Variants in PKN2 observed in about 807,000 individuals in gnomAD.
The protein encoded by PKN2 is serine/threonine-protein kinase N2.
A neutral mutation model predicts 119.1 loss-of-function variants in PKN2; 38 were observed. The observed-to-expected ratio is 0.32, with a 90% CI of 0.25 to 0.42. PKN2 has a LOEUF of 0.42. Ranked by LOEUF, PKN2 falls within the 10% of genes least tolerant of loss-of-function variation. The pLI is 1.00. For synonymous variants in PKN2, 390 were observed against 384.9 expected (o/e 1.01, Z -0.15); for missense variants, 850 against 1,165.1 (o/e 0.73, Z 3.94).
At chr1:88,802,755 T>A (rs903510336) in intron 8 of PKN2, among the ~76,000 whole-genome samples, 1 of 152,188 alleles carries the variant, frequency 6.6e-6, no homozygotes, top group Non-Finnish European at 1.5e-5. Flanking sequence ...TTATTCACAA[T>A]AAGACAAAAT....
At chr1:88,716,339 G>T (rs1667451184) in intron 1 of PKN2, among the ~76,000 whole-genome samples, 2 of 152,084 alleles carry the variant, frequency 1.3e-5, no homozygotes, top group Admixed American at 6.6e-5. Flanking sequence ...TTCAAGTCCT[G>T]GATATCCTTG....
intron 6 of PKN2, among the ~76,000 whole-genome samples, chr1:88,781,495 T>TTA (rs1309335812): frequency 4.6e-5 from 7 of 152,140 alleles, no homozygotes; most frequent in Non-Finnish European, 8.8e-5. Flanking sequence ...CAATTCATAG[T>TTA]TATTACTTCT....
At chr1:88,821,469 G>T (rs1386275593) in intron 16 of PKN2, among the ~76,000 whole-genome samples, 1 of 152,034 alleles carries the variant, frequency 6.6e-6, no homozygotes, top group Non-Finnish European at 1.5e-5. Flanking sequence ...AAGGTCCTTC[G>T]CCCAGGATAT....
chr1:88,741,021 G>C lies in PKN2; in HGVS notation c.82G>C (p.Val28Leu). 3.8e-6 allele frequency: 6 copies of C among 1,589,590 alleles called. No individual in the cohort carries two copies. The highest frequency in any genetic ancestry group is 5.1e-6 in the Non-Finnish European group (6 of 1,172,440). ...CCGAAGTCTTCCGTTTTCTGAGAAT[G>C]TGAGTGCTGTTCAAAAATTAGACTT... Reference protein sequence around the residue: ...DSRSLPFSENVSAVQKLDFSD... With the variant: ...DSRSLPFSENLSAVQKLDFSD... The change falls in exon 2 of 22, where the codon GTG (valine) becomes CTG (leucine). Residue 28 changes from valine (V) to leucine (L), a missense_variant. Around this residue, in one of 9 missense-constraint regions of PKN2, gnomAD observed 73 missense variants for 61.2 expected, o/e 1.19. Transcript: ENST00000370521.
At chr1:88,778,732 G>A (rs202109364) in intron 6 of PKN2, among the ~76,000 whole-genome samples, 3 of 145,230 alleles carry the variant, frequency 2.1e-5, no homozygotes, top group Admixed American at 6.8e-5. Flanking sequence ...TTTTTTTTTC[G>A]AGACAGAGTC....
chr1:88,777,219 T>C (rs542932818), intron 6 of PKN2, among the ~76,000 whole-genome samples: 1 of 152,258 alleles, frequency 6.6e-6, no homozygotes, highest in South Asian at 2.1e-4. Flanking sequence ...ATTTTTGTTA[T>C]ACTTTTCAAT....
chr1:88,705,454 G>C (rs1177918126), intron 1 of PKN2, among the ~76,000 whole-genome samples: 2 of 151,980 alleles, frequency 1.3e-5, no homozygotes, highest in Non-Finnish European at 2.9e-5. Flanking sequence ...CAGCACTCTG[G>C]GAGGCCGAGG....
In PKN2 at chr1:88,771,656, G is replaced by A. The variant is rs778920619; in HGVS notation, c.769-7G>A. On this transcript the variant is annotated splice_polypyrimidine_tract_variant and splice_region_variant and intron_variant, in intron 5 of 21. Transcript: ENST00000370521. ...AAATGACAACAATTGTCTTTTCCCT[G>A]TGCAAGGCTCAAGCAAGATTTAATG... 11 of 1,611,470 alleles carry A rather than the reference G, an allele frequency of 6.8e-6. No homozygotes were observed. The highest frequency in any genetic ancestry group is 1.1e-5 in the South Asian group (1 of 90,990).
intron 2 of PKN2, among the ~76,000 whole-genome samples, chr1:88,753,505 C>A (rs969778400): frequency 6.6e-6 from 1 of 151,894 alleles, no homozygotes; most frequent in African/African-American, 2.4e-5. Context: ...AAGAAATACC[C>A]GAGACTGGGT....
chr1:88,804,475 G>A lies in PKN2; in HGVS notation c.1366G>A (p.Asp456Asn), dbSNP rs1403134535. ...ATTTCTGAGGTTAGAAGATTTTTTA[G>A]ACAACCAACGGCATGGCATGTGTCT... ...VKFLRLEDFL[D>N]NQRHGMCLYL... is the part of the protein sequence containing the mutation. The change falls in exon 9 of 22, where the codon GAC (aspartate) becomes AAC (asparagine). Residue 456 changes from aspartate to asparagine, a missense_variant. This residue lies in a region of PKN2 where 350 missense variants were observed against 511.1 expected (regional missense o/e 0.68). Coordinates refer to ENST00000370521, the MANE Select transcript of PKN2 (RefSeq NM_006256.4). 6.2e-7 allele frequency: 1 copy of A among 1,613,640 alleles called. No individual in the cohort carries two copies. Among genetic ancestry groups the A allele is most frequent in the Non-Finnish European group, 8.5e-7 (1 of 1,179,718 alleles).
intron 12 of PKN2, chr1:88,806,236 C>A: frequency 2.1e-6 from 1 of 474,948 alleles, no homozygotes; most frequent in Admixed American, 3.6e-5. Context: ...CTCACTGCAA[C>A]CTCCGCCTCC....
intron 13 of PKN2, 26 bp downstream of exon 13, chr1:88,807,469 G>T (rs11809597): frequency 0.027 from 43,565 of 1,605,142 alleles, 1,639 homozygotes; most frequent in African/African-American, 0.18. Context: ...CAAATTTTGC[G>T]ACTACATGTT....
At chr1:88,723,610 G>C (rs1390905121) in intron 1 of PKN2, among the ~76,000 whole-genome samples, 1 of 152,062 alleles carries the variant, frequency 6.6e-6, no homozygotes, top group Non-Finnish European at 1.5e-5. Flanking sequence ...TTTAGTAGAG[G>C]TGAGGTTTCA....
chr1:88,720,754 G>A (rs187960899), intron 1 of PKN2, among the ~76,000 whole-genome samples: 11 of 152,250 alleles, frequency 7.2e-5, no homozygotes, highest in Admixed American at 1.3e-4. Flanking sequence ...TGTACCCAGT[G>A]TATGTCTTCT....
chr1:88,795,102 C>A (rs1671008539), intron 8 of PKN2, among the ~76,000 whole-genome samples: 1 of 152,140 alleles, frequency 6.6e-6, no homozygotes, highest in South Asian at 2.1e-4. Context: ...AGTTTTCTAC[C>A]CCACGTCAGA....
intron 2 of PKN2, among the ~76,000 whole-genome samples, chr1:88,748,890 A>T (rs1034242597): frequency 6.6e-6 from 1 of 152,154 alleles, no homozygotes; most frequent in Non-Finnish European, 1.5e-5. Context: ...AGCCATGATC[A>T]TGCCACTCCA....
intron 3 of PKN2, among the ~76,000 whole-genome samples, chr1:88,766,554 C>G (rs1669676714): frequency 6.6e-6 from 1 of 152,106 alleles, no homozygotes; most frequent in African/African-American, 2.4e-5. Flanking sequence ...GTGCCAATTA[C>G]TAATAGTTCA....
chr1:88,778,870 T>C (rs1670213167), intron 6 of PKN2, among the ~76,000 whole-genome samples: 1 of 152,096 alleles, frequency 6.6e-6, no homozygotes, highest in South Asian at 2.1e-4. Flanking sequence ...CCCAACACCA[T>C]GCCTAGCTAA....
chr1:88,799,920 T>A (rs143485128), intron 8 of PKN2, among the ~76,000 whole-genome samples: 153 of 152,350 alleles, frequency 1.0e-3, no homozygotes, highest in African/African-American at 3.6e-3. Context: ...GCCTATGTTG[T>A]CCTCAGAGGC....
Sources: allele counts gnomAD v4.1 joint callset (sites outside exome capture counted in the v4.1 genomes callset), GRCh38; gene constraint gnomAD v4.1.1; regional missense constraint gnomAD v4.1.1; transcripts MANE v1.5; gene names NCBI Gene and HGNC (gene_info 2026-07-23, HGNC 2026-07-21).